The following PRICKLE2 variants were observed in gnomAD, a reference collection of about 807,000 sequenced individuals.
PRICKLE2 encodes prickle planar cell polarity protein 2.
Under a neutral mutation model 81.4 loss-of-function variants are expected in PRICKLE2, and 21 were observed. That is an observed-to-expected ratio of 0.26 (90% CI 0.18 to 0.37). The LOEUF is 0.37. PRICKLE2 is among the 10% of genes least tolerant of loss of function. The probability of loss-of-function intolerance (pLI) is 1.00; values close to 1 mark genes in which losing one functional copy is unlikely to be tolerated. For synonymous variants in PRICKLE2, 456 were observed against 421.5 expected, an observed-to-expected ratio of 1.08 and a Z score of -1.00; for missense variants, 940 against 1,109.0, an observed-to-expected ratio of 0.85 and a Z score of 2.16.
chr3:64,160,780 C>G (rs2077719933), intron 3 of PRICKLE2, among the ~76,000 whole-genome samples: 1 of 152,186 alleles, frequency 6.6e-6, no homozygotes, highest in African/African-American at 2.4e-5. Flanking sequence ...TAATTTGAAT[C>G]CAGTATCTCC....
rs138474947 is a variant in PRICKLE2 at position 64,262,556 on chromosome 3, C to A, written c.129-63589G>T. ...TAACAAGAAGCCATGGGCTGGATGG[C>A]GTCAACAAGGGAGCAATAAAGATGA... On this transcript the variant is annotated intron_variant, in intron 2 of 8. Transcript: ENST00000295902. Among the ~76,000 whole-genome samples, 270 of 151,140 alleles carry A rather than the reference C, an allele frequency of 1.8e-3. 1 individual carries two copies. The highest frequency in any genetic ancestry group is 2.5e-3 in the Non-Finnish European group (169 of 67,906).
At chr3:64,133,856 CAT>C (rs1179773987) in intron 7 of PRICKLE2, among the ~76,000 whole-genome samples, 1 of 152,176 alleles carries the variant, frequency 6.6e-6, no homozygotes, top group Non-Finnish European at 1.5e-5. Context: ...GGATCATTGA[CAT>C]GTACAGAATC....
In PRICKLE2 at chr3:64,099,644, C is replaced by G. The variant is rs2076623046; in HGVS notation, c.1942G>C (p.Gly648Arg). 1 of 1,614,176 alleles carries G rather than the reference C, an allele frequency of 6.2e-7. No homozygotes were observed. The highest frequency in any genetic ancestry group is 8.5e-7 in the Non-Finnish European group (1 of 1,180,040). Residue 648 changes from glycine to arginine, a missense_variant, in exon 8 of 8, where the codon GGG becomes CGG. Physicochemically the swap from Gly to Arg is moderately radical, Grantham distance 125. This residue lies in a region of PRICKLE2 where 670 missense variants were observed against 717.2 expected (regional missense o/e 0.93). Coordinates refer to ENST00000638394, the MANE Select transcript of PRICKLE2 (RefSeq NM_198859.4). The surrounding 1 kb of genome is among the most constrained non-coding windows in gnomAD (Gnocchi z 4.3). ...CCTGGCAGCTTGCTGCCCGCCATCC[C>G]TCCATCAAAATCAAAGCTCTGATGC... ...RMHQSFDFDG[G>R]MAGSKLPGQE...
intron 1 of PRICKLE2, among the ~76,000 whole-genome samples, chr3:64,202,717 T>C (rs1244936628): frequency 6.6e-6 from 1 of 151,562 alleles, no homozygotes; most frequent in Non-Finnish European, 1.5e-5. Flanking sequence ...CATGTGCAAA[T>C]AGAGAGTTTT....
At chr3:64,137,015 A>G (rs1052808137) in intron 7 of PRICKLE2, among the ~76,000 whole-genome samples, 46 of 152,190 alleles carry the variant, frequency 3.0e-4, no homozygotes, top group African/African-American at 1.1e-3. Flanking sequence ...ACTATTCACT[A>G]TGTTTATAAC....
intron 1 of PRICKLE2, 108 bp from the exon 2 acceptor site, chr3:64,199,075 G>T: frequency 1.0e-6 from 1 of 990,252 alleles, no homozygotes; most frequent in South Asian, 1.4e-5. Context: ...CACATTCCTT[G>T]GCAATGGGCA....
chr3:64,206,343 G>A (rs2078689622), intron 1 of PRICKLE2, among the ~76,000 whole-genome samples: 1 of 152,184 alleles, frequency 6.6e-6, no homozygotes, highest in South Asian at 2.1e-4. Flanking sequence ...AAAAACAGGT[G>A]TGGGTTTTAC....
At chr3:64,166,793 G>T (rs1352902437) in intron 2 of PRICKLE2, among the ~76,000 whole-genome samples, 5 of 152,192 alleles carry the variant, frequency 3.3e-5, no homozygotes, top group African/African-American at 1.2e-4. Flanking sequence ...TGAGGAAGGA[G>T]AATGATTTAG....
At chr3:64,150,146 T>C (rs1271259528) in intron 6 of PRICKLE2, among the ~76,000 whole-genome samples, 1 of 151,832 alleles carries the variant, frequency 6.6e-6, no homozygotes, top group Non-Finnish European at 1.5e-5. Flanking sequence ...CACAGGGACA[T>C]GGGACTCTGT....
At chr3:64,264,812 G>A (rs1238771005) in intron 2 of PRICKLE2, among the ~76,000 whole-genome samples, 4 of 152,192 alleles carry the variant, frequency 2.6e-5, no homozygotes, top group South Asian at 2.1e-4. Context: ...GCAATGTCAC[G>A]TATACGCTCC....
At chr3:64,249,666 T>C (rs908795239) in intron 2 of PRICKLE2, among the ~76,000 whole-genome samples, 2 of 152,228 alleles carry the variant, frequency 1.3e-5, no homozygotes. Context: ...ACTGGTCATC[T>C]GTTCTATTCT....
At chr3:64,250,025 C>A (rs968856341) in intron 2 of PRICKLE2, among the ~76,000 whole-genome samples, 4 of 152,196 alleles carry the variant, frequency 2.6e-5, no homozygotes, top group Admixed American at 1.3e-4. Context: ...GAACCTAGGA[C>A]TTCAAATGCC....
chr3:64,152,345 C>T (rs61207253), intron 6 of PRICKLE2, among the ~76,000 whole-genome samples: 2,270 of 152,248 alleles, frequency 0.015, 56 homozygotes, highest in African/African-American at 0.051. Context: ...AGGTTGGCTC[C>T]TTCCCAAGGT....
chr3:64,138,278 G>C (rs2077307400), intron 7 of PRICKLE2, among the ~76,000 whole-genome samples: 1 of 152,174 alleles, frequency 6.6e-6, no homozygotes, highest in Non-Finnish European at 1.5e-5. Context: ...CCTGGGATGG[G>C]ACATGACTCA....
intron 2 of PRICKLE2, among the ~76,000 whole-genome samples, chr3:64,238,333 C>G (rs2079212484): frequency 1.3e-5 from 2 of 151,666 alleles, no homozygotes; most frequent in Non-Finnish European, 2.9e-5. Flanking sequence ...ACTAAAAGTA[C>G]AAAAATTAGC....
intron 4 of PRICKLE2, among the ~76,000 whole-genome samples, chr3:64,158,664 A>T (rs747510032): frequency 1.2e-4 from 19 of 152,206 alleles, no homozygotes; most frequent in Non-Finnish European, 2.2e-4. Context: ...CTGATCTGAG[A>T]GGAGCAAGGA....
chr3:64,213,663 G>C (rs2078828261), intron 1 of PRICKLE2, among the ~76,000 whole-genome samples: 2 of 152,174 alleles, frequency 1.3e-5, no homozygotes, highest in African/African-American at 4.8e-5. Context: ...CATAAGGTCA[G>C]TTTGGCTTCA....
chr3:64,212,637 G>GT (rs1178132806), intron 1 of PRICKLE2, among the ~76,000 whole-genome samples: 2 of 152,278 alleles, frequency 1.3e-5, no homozygotes, highest in East Asian at 3.9e-4. Context: ...ACCACAGTGG[G>GT]TTAGGATCTT....
At chr3:64,193,579 A>G (rs1000719276) in intron 2 of PRICKLE2, among the ~76,000 whole-genome samples, 25 of 152,328 alleles carry the variant, frequency 1.6e-4, no homozygotes, top group African/African-American at 5.5e-4. Flanking sequence ...TGTCCAAATC[A>G]AAGCAGAAAT....
Sources: allele counts gnomAD v4.1 joint callset (sites outside exome capture counted in the v4.1 genomes callset), GRCh38; gene constraint gnomAD v4.1.1; regional missense constraint gnomAD v4.1.1; non-coding constraint Gnocchi (gnomAD v3.1); transcripts MANE v1.5; gene names NCBI Gene and HGNC (gene_info 2026-07-23, HGNC 2026-07-21).